The following PEBP4 variants were observed in gnomAD, a reference collection of about 807,000 sequenced individuals.
PEBP4 encodes the protein phosphatidylethanolamine-binding protein 4.
A neutral mutation model predicts 23.9 loss-of-function variants in PEBP4; 22 were observed. The ratio of observed to expected loss-of-function variants is 0.92; its 90% CI spans 0.66 to 1.31. PEBP4 has a LOEUF of 1.31. Among genes scored for constraint, PEBP4 ranks in the 40% most tolerant of loss-of-function variants. PEBP4 has a pLI of 0.00. For missense variants in PEBP4, 324 were observed against 281.7 expected, an observed-to-expected ratio of 1.15 and a Z score of -1.07; for synonymous variants, 112 against 99.3, an observed-to-expected ratio of 1.13 and a Z score of -0.76.
intron 6 of PEBP4, among the ~76,000 whole-genome samples, chr8:22,723,819 C>T (rs1441539932): frequency 1.3e-5 from 2 of 152,200 alleles, no homozygotes; most frequent in South Asian, 4.1e-4. Context: ...GGGCCCTGCT[C>T]GGCACATCTG....
At position 22,759,104 on chromosome 8, in the gene PEBP4, A is replaced by G. The variant is rs547255175; in HGVS notation, c.358-31884T>C. ...CTTGGGGGAGTGATCCCAGGTGGCT[A>G]GAGTGGCCACAGCAGTCTGGTGGGC... On this transcript the variant is annotated intron_variant, in intron 4 of 6. Transcript: ENST00000256404. 2.8e-3 allele frequency among the ~76,000 whole-genome samples: 432 copies of G among 152,226 alleles called. 4 individuals carry two copies. The highest frequency in any genetic ancestry group is 9.9e-3 in the African/African-American group (410 of 41,550).
intron 3 of PEBP4, among the ~76,000 whole-genome samples, chr8:22,882,727 C>G (rs995595708): frequency 6.6e-6 from 1 of 152,182 alleles, no homozygotes; most frequent in Non-Finnish European, 1.5e-5. Flanking sequence ...TCTGTGAGAA[C>G]AATTTGCTTA....
chr8:22,926,804 C>CAGA (rs1809345186), intron 2 of PEBP4, among the ~76,000 whole-genome samples: 1 of 152,184 alleles, frequency 6.6e-6, no homozygotes, highest in South Asian at 2.1e-4. Context: ...TTCAAAGGTA[C>CAGA]AGAAGAGAGT....
At chr8:22,805,156 G>A (rs1007738074) in intron 4 of PEBP4, among the ~76,000 whole-genome samples, 24 of 152,308 alleles carry the variant, frequency 1.6e-4, no homozygotes, top group African/African-American at 5.8e-4. Flanking sequence ...TCAGCACGGA[G>A]GACTTTTAGG....
chr8:22,892,908 G>A (rs1295053146), intron 3 of PEBP4, among the ~76,000 whole-genome samples: 1 of 152,210 alleles, frequency 6.6e-6, no homozygotes, highest in Non-Finnish European at 1.5e-5. Context: ...CAGGAAACCT[G>A]ACAGTCACCT....
chr8:22,827,353 A>G (rs1412735874), intron 3 of PEBP4, among the ~76,000 whole-genome samples: 1 of 152,218 alleles, frequency 6.6e-6, no homozygotes, highest in Non-Finnish European at 1.5e-5. Context: ...CATTTTTATC[A>G]TCCCAGAAAG....
intron 4 of PEBP4, among the ~76,000 whole-genome samples, chr8:22,803,276 T>C (rs1276432596): frequency 2.6e-5 from 4 of 152,182 alleles, no homozygotes; most frequent in Non-Finnish European, 5.9e-5. Flanking sequence ...CAGCAGCCCT[T>C]TGGCTGCAAA....
At chr8:22,788,108 C>A (rs914794594) in intron 4 of PEBP4, among the ~76,000 whole-genome samples, 1 of 151,936 alleles carries the variant, frequency 6.6e-6, no homozygotes, top group Non-Finnish European at 1.5e-5. Context: ...CTGGGAGAAC[C>A]AGGAGCAGCA....
intron 4 of PEBP4, among the ~76,000 whole-genome samples, chr8:22,734,489 G>A (rs1367351802): frequency 6.6e-6 from 1 of 152,186 alleles, no homozygotes; most frequent in Non-Finnish European, 1.5e-5. Context: ...CCATATCAAA[G>A]ACTTGGTAGG....
At position 22,872,667 on chromosome 8, in the gene PEBP4, G is replaced by A. The variant is rs59734800; in HGVS notation, c.258+47517C>T. Among the ~76,000 whole-genome samples the A allele has an allele frequency of 6.4e-3, 972 of 152,244 alleles. 17 individuals are homozygous for A. Among genetic ancestry groups the A allele is most frequent in the African/African-American group, 0.022 (910 of 41,538 alleles). On this transcript the variant is annotated intron_variant, in intron 3 of 6. Coordinates refer to ENST00000256404, the MANE Select transcript of PEBP4 (RefSeq NM_144962.3). ...ACTCTTAGCTACTTTGATTTTCTAG[G>A]TAAAACTGGTTTAAAATTTTTGTTT...
intron 3 of PEBP4, among the ~76,000 whole-genome samples, chr8:22,917,763 G>A (rs775212203): frequency 5.3e-5 from 8 of 152,190 alleles, no homozygotes; most frequent in Non-Finnish European, 1.0e-4. Context: ...TCACTGCTAG[G>A]TTCAGGGATA....
chr8:22,759,530 G>A (rs1467197619), intron 4 of PEBP4, among the ~76,000 whole-genome samples: 2 of 152,074 alleles, frequency 1.3e-5, no homozygotes, highest in East Asian at 1.9e-4. Context: ...TGCCCGCTCC[G>A]TCTCAGGGCT....
At chr8:22,827,310 T>G (rs1456021903) in intron 3 of PEBP4, among the ~76,000 whole-genome samples, 2 of 152,180 alleles carry the variant, frequency 1.3e-5, no homozygotes, top group African/African-American at 4.8e-5. Flanking sequence ...ATGTACAAAG[T>G]TGCGCAACGA....
At chr8:22,725,169 G>A (rs574771640) in intron 5 of PEBP4, among the ~76,000 whole-genome samples, 1 of 152,228 alleles carries the variant, frequency 6.6e-6, no homozygotes, top group South Asian at 2.1e-4. Flanking sequence ...GGGGGAGGAG[G>A]TGGTCCAAGA....
At chr8:22,828,303 A>G (rs1266851516) in intron 3 of PEBP4, among the ~76,000 whole-genome samples, 1 of 152,156 alleles carries the variant, frequency 6.6e-6, no homozygotes, top group Non-Finnish European at 1.5e-5. Context: ...ATGGGGTTGT[A>G]CAAAGCCTTT....
intron 3 of PEBP4, among the ~76,000 whole-genome samples, chr8:22,850,096 TATC>T (rs1443201545): frequency 2.0e-5 from 3 of 150,764 alleles, no homozygotes; most frequent in Non-Finnish European, 4.4e-5. Flanking sequence ...TAGAGGAAGA[TATC>T]ATCCTACTCT....
intron 3 of PEBP4, among the ~76,000 whole-genome samples, chr8:22,872,540 T>C (rs1239095967): frequency 6.6e-6 from 1 of 152,242 alleles, no homozygotes; most frequent in Non-Finnish European, 1.5e-5. Flanking sequence ...GAAAGTCTTT[T>C]GTTCAGTACG....
intron 4 of PEBP4, among the ~76,000 whole-genome samples, chr8:22,803,721 AAGAC>A (rs1394953003): frequency 3.9e-5 from 6 of 152,196 alleles, no homozygotes; most frequent in African/African-American, 1.2e-4. Flanking sequence ...GAACATGTCT[AAGAC>A]AGAGCTTGAG....
Position 22,832,503 on chromosome 8 carries a change from A to G in PEBP4, c.259-14768T>C, listed in dbSNP as rs111682437. On this transcript the variant is annotated intron_variant, in intron 3 of 6. Transcript: ENST00000256404. The stretch of plus-strand genomic sequence containing the variant: ...TAAATGTGTGTTTTTTAAGCCACCC[A>G]GTCTATGGAATTTTTGTTATAGCAA... 7.9e-4 allele frequency among the ~76,000 whole-genome samples: 121 copies of G among 152,232 alleles called. 1 individual carries two copies. Among genetic ancestry groups the G allele is most frequent in the African/African-American group, 2.6e-3 (106 of 41,554 alleles).
Sources: gnomAD v4.1 joint callset for allele counts (sites outside exome capture counted in the v4.1 genomes callset) on GRCh38, gnomAD v4.1.1 for gene constraint, MANE v1.5 for transcripts, NCBI Gene and HGNC (gene_info 2026-07-23, HGNC 2026-07-21) for gene names.